Variants in P2RY6 observed in about 807,000 individuals in gnomAD.
The protein encoded by P2RY6 is P2Y purinoceptor 6.
Under a neutral mutation model 16.3 loss-of-function variants are expected in P2RY6, and 19 were observed. That is an observed-to-expected ratio of 1.16 (90% CI 0.81 to 1.71). The LOEUF (loss-of-function observed/expected upper bound fraction) is 1.71, where lower values mean the gene tolerates loss of function less well. Ranked by LOEUF, P2RY6 falls within the 40% of genes most tolerant of loss-of-function variation. The pLI is 0.00. For missense variants in P2RY6, 389 were observed against 455.5 expected (o/e 0.85, Z 1.33); for synonymous variants, 184 against 201.5 (o/e 0.91, Z 0.74).
upstream of P2RY6, among the ~76,000 whole-genome samples, chr11:73,270,535 G>A (rs1863256684): frequency 6.6e-6 from 1 of 152,168 alleles, no homozygotes; most frequent in Non-Finnish European, 1.5e-5. Context: ...GCCTTGCTGT[G>A]TGACCCAGGC....
At chr11:73,286,199 T>C (rs150683323) in intron 1 of P2RY6, among the ~76,000 whole-genome samples, 8 of 152,242 alleles carry the variant, frequency 5.3e-5, no homozygotes, top group African/African-American at 1.9e-4. Flanking sequence ...AGGCCTGTCA[T>C]TGACCCCTGG....
chr11:73,287,932 C>G, intron 1 of P2RY6, among the ~76,000 whole-genome samples: 1 of 152,220 alleles, frequency 6.6e-6, no homozygotes, highest in African/African-American at 2.4e-5. Flanking sequence ...TGCCCTGTCA[C>G]AGCTGCTCCC....
upstream of P2RY6, among the ~76,000 whole-genome samples, chr11:73,269,157 G>T (rs1863203570): frequency 6.6e-6 from 1 of 152,194 alleles, no homozygotes; most frequent in South Asian, 2.1e-4. Flanking sequence ...GGCATGTGGG[G>T]TGTAAACTGT....
In P2RY6 at chr11:73,296,849, C is replaced by A. The variant is rs778195170; in HGVS notation, c.331C>A (p.His111Asn). 2 of 1,610,756 alleles carry A rather than the reference C, an allele frequency of 1.2e-6. No individual in the cohort carries two copies. The highest frequency in any genetic ancestry group is 3.3e-5 in the Admixed American group (2 of 60,032). Residue 111 changes from histidine to asparagine, a missense_variant, in exon 3 of 3, where the codon CAC (histidine) becomes AAC (asparagine). By Grantham distance (68) the His-to-Asn change is moderately conservative. Coordinates refer to ENST00000540124, the MANE Select transcript of P2RY6 (RefSeq NM_001277204.2). The stretch of plus-strand genomic sequence containing the variant: ...CCGCTTCCTCTTCTATGCCAACCTG[C>A]ACGGCAGCATCCTCTTCCTCACCTG... ...LVRFLFYANL[H>N]GSILFLTCIS...
At chr11:73,295,866 C>T (rs989619020) in intron 2 of P2RY6, 51 bp downstream of exon 2, 7 of 764,566 alleles carry the variant, frequency 9.2e-6, no homozygotes, top group East Asian at 1.3e-4. Flanking sequence ...GGCCCTTTTC[C>T]GCCCCAGACC....
At chr11:73,267,231 C>A (rs1403587838) in intron 1 of P2RY6, among the ~76,000 whole-genome samples, 1 of 152,218 alleles carries the variant, frequency 6.6e-6, no homozygotes, top group Non-Finnish European at 1.5e-5. Flanking sequence ...GTTACTTCAG[C>A]AGAATCATGT....
rs190510142 is a variant in P2RY6, at chr11:73,285,980, C to A, written c.-120-9750C>A. On this transcript the variant is annotated intron_variant, in intron 1 of 2. Coordinates refer to ENST00000540124, the MANE Select transcript of P2RY6 (RefSeq NM_001277204.2). ...GGACAGATCTTGGGGCTTGGTGTGA[C>A]AAAGCATATCTCCCAGTGAGCTTTC... Among the ~76,000 whole-genome samples the A allele has an allele frequency of 3.4e-3, 513 of 152,310 alleles. 8 individuals carry two copies. The highest frequency in any genetic ancestry group is 0.012 in the African/African-American group (480 of 41,572).
chr11:73,275,362 G>A (rs75337976), intron 1 of P2RY6, among the ~76,000 whole-genome samples: 247 of 152,312 alleles, frequency 1.6e-3, no homozygotes, highest in Admixed American at 3.3e-3. Context: ...CATGCCAGAG[G>A]GATGGGAACC....
Position 73,295,827 on chromosome 11 carries a change from C to G in P2RY6, c.-35+12C>G, listed in dbSNP as rs764185597. The G allele has an allele frequency of 1.8e-5, 18 of 973,694 alleles. No individual in the cohort carries two copies. Among genetic ancestry groups the G allele is most frequent in the Non-Finnish European group, 2.1e-5 (17 of 819,384 alleles). The allele number at this position is 973,694 out of a possible 1,614,324, so 60.3% of individuals were successfully genotyped here. ...TCAGTGAGCCCCTGGTGTGTGGACC[C>G]TTCGCATTGGTTAACTAAGAGTTAT... On this transcript the variant is annotated intron_variant, in intron 2 of 2. Transcript: ENST00000540124.
At chr11:73,271,369 G>A (rs574351826), upstream of P2RY6, among the ~76,000 whole-genome samples, 2 of 152,200 alleles carry the variant, frequency 1.3e-5, no homozygotes, top group Admixed American at 6.5e-5. Flanking sequence ...GCTTTAATCA[G>A]CTGGGAGCAT....
chr11:73,272,577 G>A (rs1446625094), intron 1 of P2RY6, 111 bp downstream of exon 1: 1 of 894,658 alleles, frequency 1.1e-6, no homozygotes. Flanking sequence ...ACAGGCAAGA[G>A]TGGCAGTAGG....
intron 1 of P2RY6, among the ~76,000 whole-genome samples, chr11:73,273,240 C>G (rs571946679): frequency 6.6e-6 from 1 of 152,244 alleles, no homozygotes; most frequent in South Asian, 2.1e-4. Flanking sequence ...GGCAGCCCAG[C>G]CCATGCGTTC....
At chr11:73,272,572 C>A (rs899501782) in intron 1 of P2RY6, 106 bp downstream of exon 1, 6 of 919,622 alleles carry the variant, frequency 6.5e-6, no homozygotes, top group Middle Eastern at 5.4e-4. Context: ...TCATCACAGG[C>A]AAGAGTGGCA....
At chr11:73,279,767 G>A (rs146207308) in intron 1 of P2RY6, among the ~76,000 whole-genome samples, 1 of 152,334 alleles carries the variant, frequency 6.6e-6, no homozygotes, top group East Asian at 1.9e-4. Flanking sequence ...TGAAGGGTCT[G>A]GATGGATCCT....
At chr11:73,290,354 A>AGAAAGAAAGAAAGAAAGAAAGAAAGAAG (rs1864184693) in intron 1 of P2RY6, among the ~76,000 whole-genome samples, 3 of 121,886 alleles carry the variant, frequency 2.5e-5, no homozygotes, top group African/African-American at 9.5e-5. Flanking sequence ...AAAGAAAGAA[A>AGAAAGAAAGAAAGAAAGAAAGAAAGAAG]GAAAGAAAGA....
intron 1 of P2RY6, among the ~76,000 whole-genome samples, chr11:73,291,920 C>G (rs765165066): frequency 6.6e-6 from 1 of 152,248 alleles, no homozygotes. Flanking sequence ...TTTCCCCACA[C>G]CATCCTCCCA....
rs1205191360 is a variant in P2RY6, at chr11:73,296,622, C to T, written c.104C>T (p.Ala35Val). The T allele has an allele frequency of 3.1e-6, 5 of 1,614,098 alleles. No individual in the cohort carries two copies. Among genetic ancestry groups the T allele is most frequent in the African/African-American group, 2.7e-5 (2 of 74,948 alleles). Residue 35 changes from alanine (A) to valine (V), a missense_variant, in exon 3 of 3, where the codon GCG (alanine) becomes GTG (valine). Ala to Val is a moderately conservative substitution (Grantham distance 64). Transcript: ENST00000540124. ...CTGCTGCTGCCACCTGTGTATTCGG[C>T]GGTGCTGGCGGCTGGCCTGCCGCTG... ...KQLLLPPVYS[A>V]VLAAGLPLNI...
At chr11:73,266,505 C>T (rs928216447) in intron 1 of P2RY6, among the ~76,000 whole-genome samples, 1 of 152,166 alleles carries the variant, frequency 6.6e-6, no homozygotes, top group African/African-American at 2.4e-5. Flanking sequence ...GCCCTGAGAG[C>T]TGAAAGGGAG....
At chr11:73,289,209 G>T (rs954061707) in intron 1 of P2RY6, among the ~76,000 whole-genome samples, 1 of 152,252 alleles carries the variant, frequency 6.6e-6, no homozygotes, top group African/African-American at 2.4e-5. Flanking sequence ...AGTCGCTCCT[G>T]CTCTAGAACT....
Sources: gnomAD v4.1 joint callset for allele counts (sites outside exome capture counted in the v4.1 genomes callset) on GRCh38, gnomAD v4.1.1 for gene constraint, MANE v1.5 for transcripts, NCBI Gene and HGNC (gene_info 2026-07-23, HGNC 2026-07-21) for gene names.